NLGN1: variants seen among roughly 807,000 people sequenced by gnomAD.
NLGN1 encodes neuroligin-1.
In NLGN1, 12 loss-of-function variants were observed where a neutral mutation model predicts 65.5. The ratio of observed to expected loss-of-function variants is 0.18; its 90% CI spans 0.12 to 0.30. The LOEUF (loss-of-function observed/expected upper bound fraction) is 0.30. Among genes scored for constraint, NLGN1 ranks in the 10% least tolerant of loss-of-function variants. The pLI is 1.00. For missense variants in NLGN1, 750 were observed against 1,007.1 expected, an observed-to-expected ratio of 0.74 and a Z score of 3.46; for synonymous variants, 350 against 359.5, an observed-to-expected ratio of 0.97 and a Z score of 0.30.
chr3:173,642,100 G>C (rs1318782255), intron 3 of NLGN1, among the ~76,000 whole-genome samples: 1 of 151,922 alleles, frequency 6.6e-6, no homozygotes, highest in Non-Finnish European at 1.5e-5. Context: ...CCAAAATGGA[G>C]TAACAGAGAC....
chr3:173,543,050 T>C (rs1159331569), intron 2 of NLGN1, among the ~76,000 whole-genome samples: 2 of 152,140 alleles, frequency 1.3e-5, no homozygotes, highest in African/African-American at 4.8e-5. Context: ...TACAGCATTT[T>C]ATCTAGCTCT....
At chr3:173,874,216 CTTTCCAGTCTCATCCTGG>C (rs1731709448) in intron 4 of NLGN1, among the ~76,000 whole-genome samples, 1 of 152,188 alleles carries the variant, frequency 6.6e-6, no homozygotes, top group Non-Finnish European at 1.5e-5. Flanking sequence ...AGTCAAGAGA[CTTTCCAGTCTCATCCTGG>C]AGGATGACTG....
At chr3:173,905,920 C>T (rs1160519399) in intron 4 of NLGN1, among the ~76,000 whole-genome samples, 1 of 152,110 alleles carries the variant, frequency 6.6e-6, no homozygotes, top group Non-Finnish European at 1.5e-5. Context: ...CTGTAGTATA[C>T]TAGGAGATTG....
At chr3:173,913,312 A>G (rs1740010899) in intron 4 of NLGN1, among the ~76,000 whole-genome samples, 1 of 152,168 alleles carries the variant, frequency 6.6e-6, no homozygotes, top group Non-Finnish European at 1.5e-5. Flanking sequence ...TTTGGAATGC[A>G]TTTGTGTTCA....
chr3:173,921,319 T>C (rs2152264110), intron 4 of NLGN1, among the ~76,000 whole-genome samples: 1 of 148,108 alleles, frequency 6.8e-6, no homozygotes, highest in South Asian at 2.1e-4. Flanking sequence ...ATATATTATA[T>C]ATAGTGGAAA....
rs566863660 is a variant in NLGN1 at position 173,839,910 on chromosome 3, T to G, written c.646+32078T>G. On this transcript the variant is annotated intron_variant, in intron 4 of 6. Coordinates refer to ENST00000457714, the Ensembl canonical transcript of NLGN1. Reference sequence around the variant, plus strand: ...AAAGCCCTATTCTTATTTTCCCAACTTATAAAGCAACTGAGGCACAGAAAT... The same window carrying G: ...AAAGCCCTATTCTTATTTTCCCAACGTATAAAGCAACTGAGGCACAGAAAT... Among the ~76,000 whole-genome samples the G allele has an allele frequency of 2.0e-4, 30 of 152,322 alleles. No individual in the cohort carries two copies. The South Asian group carries it at 6.0e-3, about 30-fold the overall frequency.
intron 4 of NLGN1, among the ~76,000 whole-genome samples, chr3:174,186,604 G>T (rs965705854): frequency 5.9e-5 from 9 of 151,888 alleles, no homozygotes; most frequent in African/African-American, 2.2e-4. Context: ...GTCAGAACAG[G>T]TTTCTGTGAT....
At position 174,266,573 on chromosome 3, in the gene NLGN1, C is replaced by T. The variant is rs996793507; in HGVS notation, c.647-8742C>T. Among the ~76,000 whole-genome samples, 17 of 152,050 alleles carry T rather than the reference C, an allele frequency of 1.1e-4. No homozygotes were observed. In the South Asian group the frequency reaches 1.7e-3, roughly 15 times the overall value. On this transcript the variant is annotated intron_variant, in intron 4 of 6. Coordinates refer to ENST00000457714, the Ensembl canonical transcript of NLGN1. ...ATTTATATTCCTTTGAGTATATACC[C>T]GGTAGTGGGATTGCTAGGTCAAACG...
intron 4 of NLGN1, among the ~76,000 whole-genome samples, chr3:173,849,660 G>T (rs1322517455): frequency 6.6e-6 from 1 of 152,122 alleles, no homozygotes; most frequent in African/African-American, 2.4e-5. Context: ...TTGTGTAGTG[G>T]TGGGAACATA....
chr3:173,574,633 C>T (rs1475964867), intron 2 of NLGN1, among the ~76,000 whole-genome samples: 1 of 151,962 alleles, frequency 6.6e-6, no homozygotes, highest in Non-Finnish European at 1.5e-5. Flanking sequence ...AATGGACAAG[C>T]CCAATTACAA....
At chr3:173,963,797 A>G (rs2152352854) in intron 4 of NLGN1, among the ~76,000 whole-genome samples, 2 of 152,308 alleles carry the variant, frequency 1.3e-5, no homozygotes, top group African/African-American at 4.8e-5. Context: ...TTAGTCAGCT[A>G]CAGACACCCA....
chr3:173,978,812 A>G (rs1229634331), intron 4 of NLGN1, among the ~76,000 whole-genome samples: 2 of 147,242 alleles, frequency 1.4e-5, no homozygotes, highest in Non-Finnish European at 3.0e-5. Context: ...CCTGGCTAAC[A>G]TGGTGAAACC....
chr3:173,758,007 T>C (rs1777396078), intron 3 of NLGN1, among the ~76,000 whole-genome samples: 1 of 152,040 alleles, frequency 6.6e-6, no homozygotes, highest in African/African-American at 2.4e-5. Context: ...CCTCAAGGTG[T>C]CTGTATTCAG....
At chr3:174,039,750 G>A (rs1017110528) in intron 4 of NLGN1, among the ~76,000 whole-genome samples, 1 of 152,164 alleles carries the variant, frequency 6.6e-6, no homozygotes, top group African/African-American at 2.4e-5. Flanking sequence ...CAGCGAGGTT[G>A]AGATGGACAA....
chr3:173,572,609 C>G (rs1744825326), intron 2 of NLGN1, among the ~76,000 whole-genome samples: 1 of 152,188 alleles, frequency 6.6e-6, no homozygotes, highest in Non-Finnish European at 1.5e-5. Flanking sequence ...ACTGGTCATT[C>G]TCTCCTGGTG....
intron 4 of NLGN1, among the ~76,000 whole-genome samples, chr3:174,187,931 A>C (rs970541198): frequency 6.6e-6 from 1 of 152,010 alleles, no homozygotes. Context: ...CACGTTAAGC[A>C]CAACTCTTAG....
At chr3:173,519,398 C>T (rs550988669) in intron 2 of NLGN1, among the ~76,000 whole-genome samples, 2 of 152,190 alleles carry the variant, frequency 1.3e-5, no homozygotes, top group Admixed American at 1.3e-4. Flanking sequence ...CAGCTTGCAC[C>T]ATGAACCTAG....
chr3:173,677,665 A>G (rs1473483821), intron 3 of NLGN1, among the ~76,000 whole-genome samples: 1 of 152,062 alleles, frequency 6.6e-6, no homozygotes, highest in Non-Finnish European at 1.5e-5. Flanking sequence ...AAACATTGTA[A>G]ATGCAGATAG....
At chr3:174,198,844 C>A (rs200710954) in intron 4 of NLGN1, among the ~76,000 whole-genome samples, 2 of 99,890 alleles carry the variant, frequency 2.0e-5, no homozygotes, top group African/African-American at 3.8e-5. Flanking sequence ...TGACTAGATT[C>A]TTTTTTTTTT....
Sources: gnomAD v4.1 joint callset for allele counts (sites outside exome capture counted in the v4.1 genomes callset) on GRCh38, gnomAD v4.1.1 for gene constraint, MANE v1.5 for transcripts, NCBI Gene and HGNC (gene_info 2026-07-23, HGNC 2026-07-21) for gene names.